Variants in JUN observed in about 807,000 individuals in gnomAD.
JUN encodes the protein transcription factor Jun.
In JUN, 7 loss-of-function variants were observed where a neutral mutation model predicts 19.7. The ratio of observed to expected loss-of-function variants is 0.36; its 90% CI spans 0.20 to 0.67. JUN has a LOEUF of 0.67. JUN is among the 30% of genes least tolerant of loss of function. The probability of loss-of-function intolerance (pLI) is 0.64; values close to 1 mark genes in which losing one functional copy is unlikely to be tolerated. For synonymous variants in JUN, 246 were observed against 206.9 expected, an observed-to-expected ratio of 1.19 and a Z score of -1.62; for missense variants, 373 against 451.0, an observed-to-expected ratio of 0.83 and a Z score of 1.57.
Position 58,782,495 on chromosome 1 carries a change from C to G in JUN, c.576G>C (p.Ala192=), listed in dbSNP as rs748565775. Residue 192 remains alanine (A), a synonymous_variant, in exon 1 of 1, where the codon GCG becomes GCC. Transcript: ENST00000371222. The surrounding 1 kb of genome is among the most constrained non-coding windows in gnomAD (Gnocchi z 8.7). ...SSGGGAPSYG[A]AGLAFPAQPQ... ...GTTGCGCGGGAAAGGCCAGGCCGGCCGCGCCGTAGGAGGGCGCCCCGCCGC... is the reference window on the plus strand; with the variant it reads ...GTTGCGCGGGAAAGGCCAGGCCGGCGGCGCCGTAGGAGGGCGCCCCGCCGC... The G allele has an allele frequency of 1.3e-6, 2 of 1,574,584 alleles. No homozygotes were observed. The highest frequency in any genetic ancestry group is 2.3e-5 in the East Asian group (1 of 44,090).
chr1:58,781,861 C>T lies in JUN; in HGVS notation c.*214G>A, dbSNP rs1645576882. ...GCGGGGCAGCCCGCAGGCGGCCGCT[C>T]CCTGGCTCCACGCCAAGGGAGGGCG... is the stretch of plus-strand genomic sequence containing the variant. On this transcript the variant is annotated 3_prime_UTR_variant, in exon 1 of 1. Transcript: ENST00000371222. The T allele has an allele frequency of 1.7e-6, 1 of 574,466 alleles. No homozygotes were observed. Among genetic ancestry groups the T allele is most frequent in the Non-Finnish European group, 3.1e-6 (1 of 325,630 alleles). 35.6% of individuals were successfully genotyped at this position (574,466 alleles called of 1,614,324 possible).
Position 58,782,641 on chromosome 1 carries a change from C to G in JUN, c.430G>C (p.Ala144Pro), listed in dbSNP as rs1645585797. 6.3e-7 allele frequency: 1 copy of G among 1,594,530 alleles called. No individual in the cohort carries two copies. Residue 144 changes from alanine to proline, a missense_variant, in exon 1 of 1, where the codon GCT (alanine) becomes CCT (proline). Coordinates refer to ENST00000371222, the MANE Select transcript of JUN (RefSeq NM_002228.4). This position sits in a 1 kb window ranked among gnomAD's most constrained non-coding sequence, Gnocchi z 8.7. ...CCTGCCACCGAGGCTACCGCGGGAG[C>G]CACCATGCCTGCCCCGTTGACCGGC... ...AQPVNGAGMV[A>P]PAVASVAGGS... is the part of the protein sequence containing the mutation.
rs2100738760 is a variant in JUN at position 58,782,237 on chromosome 1, G to C, written c.834C>G (p.Ala278=). ...AGGTTTTCACTTTTTCCTCCAGCCG[G>C]GCGATTCTCTCCAGCTTCCTTTTTC... is the stretch of plus-strand genomic sequence containing the variant. The part of the protein sequence containing the change: ...KCRKRKLERI[A]RLEEKVKTLK... Residue 278 remains alanine, a synonymous_variant, in exon 1 of 1, where the codon GCC becomes GCG. Transcript: ENST00000371222. The surrounding 1 kb of genome is among the most constrained non-coding windows in gnomAD (Gnocchi z 8.7). 6.2e-7 allele frequency: 1 copy of C among 1,614,216 alleles called. No homozygotes were observed. Among genetic ancestry groups the C allele is most frequent in the Non-Finnish European group, 8.5e-7 (1 of 1,180,036 alleles).
chr1:58,783,366 C>T lies in JUN; in HGVS notation c.-296G>A. ...CTCACTGAGCGCTCTTCGTGCGCAGCGGTTCCTCGGAGTCCGCAGGCGAAC... is the reference window on the plus strand; with the variant it reads ...CTCACTGAGCGCTCTTCGTGCGCAGTGGTTCCTCGGAGTCCGCAGGCGAAC... On this transcript the variant is annotated 5_prime_UTR_variant, in exon 1 of 1. Coordinates refer to ENST00000371222, the MANE Select transcript of JUN (RefSeq NM_002228.4). 2.5e-6 allele frequency: 1 copy of T among 406,820 alleles called. No homozygotes were observed. The highest frequency in any genetic ancestry group is 4.7e-6 in the Non-Finnish European group (1 of 213,458). 25.2% of individuals were successfully genotyped at this position (406,820 alleles called of 1,614,324 possible).
chr1:58,781,585 A>G lies in JUN; in HGVS notation c.*490T>C, dbSNP rs1323007238. On this transcript the variant is annotated 3_prime_UTR_variant, in exon 1 of 1. Coordinates refer to ENST00000371222, the MANE Select transcript of JUN (RefSeq NM_002228.4). ...TACACAGTTAACGAAGGCAGGCCAG[A>G]AAGAGTTCATCTGTAGGCTCAGCCT... 2 of 242,230 alleles carry G rather than the reference A, an allele frequency of 8.3e-6. No individual in the cohort carries two copies. The highest frequency in any genetic ancestry group is 1.6e-5 in the Non-Finnish European group (2 of 121,682). 15.0% of individuals were successfully genotyped at this position (242,230 alleles called of 1,614,324 possible).
chr1:58,781,889 C>T lies in JUN; in HGVS notation c.*186G>A. The stretch of plus-strand genomic sequence containing the variant: ...TGGCTCCACGCCAAGGGAGGGCGCG[C>T]CAAGTCCTTCCCACTCGTGCACACT... On this transcript the variant is annotated 3_prime_UTR_variant, in exon 1 of 1. Transcript: ENST00000371222. 1 of 608,656 alleles carries T rather than the reference C, an allele frequency of 1.6e-6. No individual in the cohort carries two copies. 37.7% of individuals were successfully genotyped at this position (608,656 alleles called of 1,614,324 possible).
rs2811894 is a variant in JUN, at chr1:58,783,359, T to G, written c.-289A>C. The G allele has an allele frequency of 0.98, 408,517 of 415,426 alleles. 201,206 individuals are homozygous for G. The highest frequency in any genetic ancestry group is 1 in the East Asian group (24,824 of 24,824). 25.7% of individuals were successfully genotyped at this position (415,426 alleles called of 1,614,324 possible). A position where few individuals can be genotyped will look rare whatever the true frequency, so the allele number is the denominator to read the frequency against. On this transcript the variant is annotated 5_prime_UTR_variant, in exon 1 of 1. Transcript: ENST00000371222. ...GCGGTCACTCACTGAGCGCTCTTCG[T>G]GCGCAGCGGTTCCTCGGAGTCCGCA... is the stretch of plus-strand genomic sequence containing the variant.
Position 58,782,747 on chromosome 1 carries a change from C to T in JUN, c.324G>A (p.Glu108=). ...CGCGCACGAAGCCCTCGGCGAAGCC[C>T]TCCTGCTCATCTGTCACGTTCTTGG... ...LCPKNVTDEQ[E]GFAEGFVRAL... The change falls in exon 1 of 1, where the codon GAG becomes GAA. Residue 108 remains glutamate, a synonymous_variant. Transcript: ENST00000371222. This position sits in a 1 kb window ranked among gnomAD's most constrained non-coding sequence, Gnocchi z 8.7. The T allele has an allele frequency of 6.2e-7, 1 of 1,612,576 alleles. No homozygotes were observed.
In JUN at chr1:58,782,488, G is replaced by A; in HGVS notation, c.583C>T (p.Leu195=). ...TGCTGGGGTTGCGCGGGAAAGGCCA[G>A]GCCGGCCGCGCCGTAGGAGGGCGCC... ...GGAPSYGAAG[L]AFPAQPQQQQ... Residue 195 remains leucine, a synonymous_variant, in exon 1 of 1, where the codon CTG becomes TTG. Transcript: ENST00000371222. This position sits in a 1 kb window ranked among gnomAD's most constrained non-coding sequence, Gnocchi z 8.7. 1 of 1,577,684 alleles carries A rather than the reference G, an allele frequency of 6.3e-7. No homozygotes were observed. The highest frequency in any genetic ancestry group is 8.6e-7 in the Non-Finnish European group (1 of 1,167,682).
In JUN at chr1:58,781,277, A is replaced by G. The variant is rs1375979021; in HGVS notation, c.*798T>C. The stretch of plus-strand genomic sequence containing the variant: ...TCTTAACTCTTTCAACTCCACCTAG[A>G]TAGCTAGTATCTACAGATGATGCAG... On this transcript the variant is annotated 3_prime_UTR_variant, in exon 1 of 1. Coordinates refer to ENST00000371222, the MANE Select transcript of JUN (RefSeq NM_002228.4). 1 of 232,890 alleles carries G rather than the reference A, an allele frequency of 4.3e-6. No individual in the cohort carries two copies. The highest frequency in any genetic ancestry group is 8.5e-6 in the Non-Finnish European group (1 of 117,650). 14.4% of individuals were successfully genotyped at this position (232,890 alleles called of 1,614,324 possible).
chr1:58,782,062 C>T lies in JUN; in HGVS notation c.*13G>A. On this transcript the variant is annotated 3_prime_UTR_variant, in exon 1 of 1. Transcript: ENST00000371222. This position sits in a 1 kb window ranked among gnomAD's most constrained non-coding sequence, Gnocchi z 8.7. The stretch of plus-strand genomic sequence containing the variant: ...TTTTTCTTCGTTGCCCCTCAGCCCC[C>T]GACGGTCTCTCTTCAAAATGTTTGC... 1 of 1,599,820 alleles carries T rather than the reference C, an allele frequency of 6.3e-7. No individual in the cohort carries two copies. The highest frequency in any genetic ancestry group is 8.6e-7 in the Non-Finnish European group (1 of 1,168,182).
At position 58,780,831 on chromosome 1, in the gene JUN, T is replaced by C. The variant is rs528123617; in HGVS notation, c.*1244A>G. On this transcript the variant is annotated 3_prime_UTR_variant, in exon 1 of 1. Coordinates refer to ENST00000371222, the MANE Select transcript of JUN (RefSeq NM_002228.4). ...ATTTATTGTGACAAGAATGCTGTTA[T>C]AAATATTCATAAGCAAAGGCCATCT... 7.3e-5 allele frequency: 17 copies of C among 232,864 alleles called. No homozygotes were observed. Among genetic ancestry groups the C allele is most frequent in the African/African-American group, 1.1e-4 (5 of 45,478 alleles). 14.4% of individuals were successfully genotyped at this position (232,864 alleles called of 1,614,324 possible).
In JUN at chr1:58,782,016, G is replaced by A. The variant is rs1318891177; in HGVS notation, c.*59C>T. 1 of 1,370,764 alleles carries A rather than the reference G, an allele frequency of 7.3e-7. No individual in the cohort carries two copies. The highest frequency in any genetic ancestry group is 1.0e-6 in the Non-Finnish European group (1 of 975,880). The allele number at this position is 1,370,764 out of a possible 1,614,324, so 84.9% of individuals were successfully genotyped here. On this transcript the variant is annotated 3_prime_UTR_variant, in exon 1 of 1. Coordinates refer to ENST00000371222, the MANE Select transcript of JUN (RefSeq NM_002228.4). This position sits in a 1 kb window ranked among gnomAD's most constrained non-coding sequence, Gnocchi z 8.7. ...CCGTCGCAACTTGTCAAGTTCTCAA[G>A]TCTGTCTCTCTGTGTTATTTTTTTT...
chr1:58,782,518 C>T lies in JUN; in HGVS notation c.553G>A (p.Gly185Ser), dbSNP rs537077141. The change falls in exon 1 of 1, where the codon GGC (glycine) becomes AGC (serine). Residue 185 changes from glycine to serine, a missense_variant. Transcript: ENST00000371222. The surrounding 1 kb of genome is among the most constrained non-coding windows in gnomAD (Gnocchi z 8.7). ...GCCGCGCCGTAGGAGGGCGCCCCGC[C>T]GCCGCTGCTCAGCGCGCCTGGGTTG... Reference protein sequence around the residue: ...NFNPGALSSGGGAPSYGAAGL... With the variant: ...NFNPGALSSGSGAPSYGAAGL... 3.2e-6 allele frequency: 5 copies of T among 1,571,832 alleles called. No individual in the cohort carries two copies. Among genetic ancestry groups the T allele is most frequent in the African/African-American group, 1.3e-5 (1 of 74,168 alleles).
chr1:58,782,118 C>G lies in JUN; in HGVS notation c.953G>C (p.Ser318Thr). ...CTGCGTTAGCATGAGTTGGCACCCA[C>G]TGTTAACGTGGTTCATGACTTTCTG... is the stretch of plus-strand genomic sequence containing the variant. ...LKQKVMNHVN[S>T]GCQLMLTQQL... Residue 318 changes from serine (S) to threonine (T), a missense_variant, in exon 1 of 1, where the codon AGT becomes ACT. By Grantham distance (58) the Ser-to-Thr change is moderately conservative. Around this residue, in one of 4 missense-constraint regions of JUN, gnomAD observed 83 missense variants for 143.0 expected, o/e 0.58. Transcript: ENST00000371222. The surrounding 1 kb of genome is among the most constrained non-coding windows in gnomAD (Gnocchi z 8.7). 6.2e-7 allele frequency: 1 copy of G among 1,614,250 alleles called. No homozygotes were observed. The highest frequency in any genetic ancestry group is 2.2e-5 in the East Asian group (1 of 44,884).
Position 58,782,744 on chromosome 1 carries a change from G to A in JUN, c.327C>T (p.Gly109=). The change falls in exon 1 of 1, where the codon GGC becomes GGT. Residue 109 remains glycine (G), a synonymous_variant. Coordinates refer to ENST00000371222, the MANE Select transcript of JUN (RefSeq NM_002228.4). The surrounding 1 kb of genome is among the most constrained non-coding windows in gnomAD (Gnocchi z 8.7). The part of the protein sequence containing the change: ...CPKNVTDEQE[G]FAEGFVRALA... The stretch of plus-strand genomic sequence containing the variant: ...GGGCGCGCACGAAGCCCTCGGCGAA[G>A]CCCTCCTGCTCATCTGTCACGTTCT... The A allele has an allele frequency of 6.2e-7, 1 of 1,612,082 alleles. No individual in the cohort carries two copies. Among genetic ancestry groups the A allele is most frequent in the Admixed American group, 1.7e-5 (1 of 60,010 alleles).
rs1164603486 is a variant in JUN at position 58,782,020 on chromosome 1, GTC to G, written c.*53_*54del. On this transcript the variant is annotated 3_prime_UTR_variant, in exon 1 of 1. Coordinates refer to ENST00000371222, the MANE Select transcript of JUN (RefSeq NM_002228.4). This position sits in a 1 kb window ranked among gnomAD's most constrained non-coding sequence, Gnocchi z 8.7. The stretch of plus-strand genomic sequence containing the variant: ...CGCAACTTGTCAAGTTCTCAAGTCT[GTC>G]TCTCTGTGTTATTTTTTTTCTTCGT... The G allele has an allele frequency of 5.0e-6, 7 of 1,386,534 alleles. No individual in the cohort carries two copies. The South Asian group carries it at 8.5e-5, about 17-fold the overall frequency. 85.9% of individuals were successfully genotyped at this position (1,386,534 alleles called of 1,614,324 possible).
chr1:58,783,112 C>T lies in JUN; in HGVS notation c.-42G>A, dbSNP rs201094524. Reference sequence around the variant, plus strand: ...TCACGTGAGGTTAGTTTGGGCTGCGCGCACAAGTTTCGGGGCCGCAACAGG... The same window carrying T: ...TCACGTGAGGTTAGTTTGGGCTGCGTGCACAAGTTTCGGGGCCGCAACAGG... On this transcript the variant is annotated 5_prime_UTR_variant, in exon 1 of 1. Transcript: ENST00000371222. 182 of 1,573,216 alleles carry T rather than the reference C, an allele frequency of 1.2e-4. 1 individual carries two copies. The East Asian group carries it at 4.1e-3, about 35-fold the overall frequency.
rs1186257032 is a variant in JUN, at chr1:58,783,603, G to C, written c.-533C>G. The C allele has an allele frequency of 4.0e-6, 1 of 248,698 alleles. No individual in the cohort carries two copies. Among genetic ancestry groups the C allele is most frequent in the Non-Finnish European group, 8.4e-6 (1 of 118,444 alleles). The allele number at this position is 248,698 out of a possible 1,614,324, so 15.4% of individuals were successfully genotyped here. On this transcript the variant is annotated 5_prime_UTR_variant, in exon 1 of 1. Coordinates refer to ENST00000371222, the MANE Select transcript of JUN (RefSeq NM_002228.4). ...TGAGCGCACGTCCTTCTTCTCTTGCGTGGCTCTCCGCCGCCTTCTGGTCTT... is the reference window on the plus strand; with the variant it reads ...TGAGCGCACGTCCTTCTTCTCTTGCCTGGCTCTCCGCCGCCTTCTGGTCTT...
Sources: gnomAD v4.1 joint callset for allele counts on GRCh38, gnomAD v4.1.1 for gene constraint, gnomAD v4.1.1 regional missense constraint, Gnocchi (gnomAD v3.1) non-coding constraint, MANE v1.5 for transcripts, NCBI Gene and HGNC (gene_info 2026-07-23, HGNC 2026-07-21) for gene names.